The following DDX10 variants were observed in gnomAD, a reference collection of about 807,000 sequenced individuals.
DDX10 encodes probable ATP-dependent RNA helicase DDX10.
A neutral mutation model predicts 104.3 loss-of-function variants in DDX10; 74 were observed. The observed-to-expected ratio is 0.71, with a 90% CI of 0.59 to 0.86. DDX10 has a LOEUF of 0.86. DDX10 is among the 40% of genes least tolerant of loss of function. The pLI is 0.00. For missense variants in DDX10, 952 were observed against 1,040.0 expected (o/e 0.92, Z 1.16); for synonymous variants, 351 against 353.4 (o/e 0.99, Z 0.08).
intron 13 of DDX10, among the ~76,000 whole-genome samples, chr11:108,724,451 T>C (rs1812913561): frequency 6.6e-6 from 1 of 152,082 alleles, no homozygotes; most frequent in Admixed American, 6.6e-5. Context: ...AATATAGTAC[T>C]GTAGTGAGGC....
intron 17 of DDX10, among the ~76,000 whole-genome samples, chr11:108,926,655 G>A (rs1037208017): frequency 6.6e-6 from 1 of 152,226 alleles, no homozygotes; most frequent in Admixed American, 6.5e-5. Flanking sequence ...GATTCTACAT[G>A]TGGTAGCCTT....
intron 16 of DDX10, among the ~76,000 whole-genome samples, chr11:108,912,911 A>G (rs11212813): frequency 0.04 from 6,150 of 152,184 alleles, 408 homozygotes; most frequent in African/African-American, 0.14. Context: ...AAAGAATGCA[A>G]TTGTTTGTCT....
At position 108,940,619 on chromosome 11, in the gene DDX10, C is replaced by T. The variant is rs1864097563; in HGVS notation, c.*196C>T. ...GTGCCATCACTGAGCATACTCAGAT[C>T]GAGGGTGGATGATACCATTTCCTGA... On this transcript the variant is annotated 3_prime_UTR_variant, in exon 18 of 18. Transcript: ENST00000322536. The T allele has an allele frequency of 6.3e-6, 3 of 472,668 alleles. No homozygotes were observed. Among genetic ancestry groups the T allele is most frequent in the Non-Finnish European group, 1.1e-5 (3 of 272,128 alleles). The allele number at this position is 472,668 out of a possible 1,614,324, so 29.3% of individuals were successfully genotyped here.
chr11:108,858,179 A>G (rs932166965), intron 16 of DDX10, among the ~76,000 whole-genome samples: 1 of 151,890 alleles, frequency 6.6e-6, no homozygotes, highest in African/African-American at 2.4e-5. Context: ...CTTCTCCTTC[A>G]TTGCTTTTTC....
intron 13 of DDX10, among the ~76,000 whole-genome samples, chr11:108,734,863 C>T (rs2094316505): frequency 6.6e-6 from 1 of 152,150 alleles, no homozygotes; most frequent in African/African-American, 2.4e-5. Flanking sequence ...TAAACAAGTG[C>T]TTGTTTATAT....
chr11:108,866,223 C>T (rs993667278), intron 16 of DDX10, among the ~76,000 whole-genome samples: 1 of 151,864 alleles, frequency 6.6e-6, no homozygotes, highest in African/African-American at 2.4e-5. Flanking sequence ...AAGGAACAGG[C>T]AGATGAAAAG....
chr11:108,708,610 C>G (rs1219319354), intron 10 of DDX10, among the ~76,000 whole-genome samples: 4 of 144,822 alleles, frequency 2.8e-5, no homozygotes, highest in Non-Finnish European at 6.0e-5. Flanking sequence ...CTCTGTCGTT[C>G]AGGCTAGAGT....
At chr11:108,937,060 C>T (rs1864045392) in intron 17 of DDX10, among the ~76,000 whole-genome samples, 1 of 152,112 alleles carries the variant, frequency 6.6e-6, no homozygotes, top group South Asian at 2.1e-4. Context: ...TTTTAATAGG[C>T]AGATTTGTAC....
At chr11:108,708,328 G>C (rs962267082) in intron 10 of DDX10, among the ~76,000 whole-genome samples, 1 of 137,198 alleles carries the variant, frequency 7.3e-6, no homozygotes, top group African/African-American at 2.7e-5. Context: ...CTGGTGATGT[G>C]ATGGAGTACA....
chr11:108,739,965 T>C (rs1447665169), intron 13 of DDX10, among the ~76,000 whole-genome samples: 1 of 151,844 alleles, frequency 6.6e-6, no homozygotes, highest in African/African-American at 2.4e-5. Flanking sequence ...TGAGAAGTTT[T>C]GGCTACCCAC....
At chr11:108,864,617 C>T (rs1266828707) in intron 16 of DDX10, among the ~76,000 whole-genome samples, 1 of 151,838 alleles carries the variant, frequency 6.6e-6, no homozygotes, top group Non-Finnish European at 1.5e-5. Flanking sequence ...GGAACCACAC[C>T]TGGATAATTT....
intron 13 of DDX10, among the ~76,000 whole-genome samples, chr11:108,725,665 T>G (rs145027206): frequency 7.2e-5 from 11 of 152,222 alleles, no homozygotes; most frequent in African/African-American, 2.6e-4. Context: ...CTTAGTAAGT[T>G]CTACGAGTTC....
rs79684703 is a variant in DDX10, at chr11:108,751,959, A to G, written c.1965+28497A>G. Among the ~76,000 whole-genome samples, 631 of 152,196 alleles carry G rather than the reference A, an allele frequency of 4.1e-3. 19 individuals carry two copies. In the East Asian group the frequency reaches 0.059, roughly 14 times the overall value. ...TTTTGAGCCGAGATGGGAATTAGCA[A>G]TATTTTACTCCAAAGCTAGAGTTCT... On this transcript the variant is annotated intron_variant, in intron 13 of 17. Transcript: ENST00000322536.
intron 16 of DDX10, among the ~76,000 whole-genome samples, chr11:108,916,569 A>G (rs142276696): frequency 1.2e-3 from 186 of 152,338 alleles, no homozygotes; most frequent in Middle Eastern, 6.8e-3. Flanking sequence ...CTGTTATTCA[A>G]TTTCTGGGAA....
chr11:108,867,406 A>C (rs1481405540), intron 16 of DDX10, among the ~76,000 whole-genome samples: 1 of 152,210 alleles, frequency 6.6e-6, no homozygotes, highest in East Asian at 1.9e-4. Context: ...TTGACACTCT[A>C]CCTTGGGAAA....
chr11:108,673,000 G>T (rs372885199), intron 1 of DDX10, among the ~76,000 whole-genome samples: 10 of 152,326 alleles, frequency 6.6e-5, no homozygotes, highest in African/African-American at 2.4e-4. Flanking sequence ...TGAAAGGATT[G>T]TGCTAACAAG....
intron 16 of DDX10, among the ~76,000 whole-genome samples, chr11:108,896,289 G>T (rs1001141661): frequency 6.6e-6 from 1 of 151,984 alleles, no homozygotes; most frequent in Non-Finnish European, 1.5e-5. Context: ...CAACGTGGCA[G>T]ATCTCTGTAG....
chr11:108,674,520 T>C (rs1380489232), intron 2 of DDX10, among the ~76,000 whole-genome samples: 2 of 152,160 alleles, frequency 1.3e-5, no homozygotes, highest in African/African-American at 4.8e-5. Context: ...ATCTCTCTTT[T>C]TTTTTTTTAA....
At chr11:108,844,056 T>A (rs1417243221) in intron 15 of DDX10, among the ~76,000 whole-genome samples, 1 of 152,226 alleles carries the variant, frequency 6.6e-6, no homozygotes, top group Non-Finnish European at 1.5e-5. Flanking sequence ...ATAGCAAGGT[T>A]GAACAGAACA....
Sources: allele counts gnomAD v4.1 joint callset (sites outside exome capture counted in the v4.1 genomes callset), GRCh38; gene constraint gnomAD v4.1.1; transcripts MANE v1.5; gene names NCBI Gene and HGNC (gene_info 2026-07-23, HGNC 2026-07-21).